HAP1: variants seen among roughly 807,000 people sequenced by gnomAD.
HAP1 encodes huntingtin associated protein 1.
HAP1 carries 59 observed loss-of-function variants against 60.3 expected under a neutral mutation model. That is an observed-to-expected ratio of 0.98 (90% CI 0.79 to 1.22). The LOEUF (loss-of-function observed/expected upper bound fraction) is 1.22. HAP1 is among the 50% of genes most tolerant of loss of function. HAP1 has a pLI of 0.00. For synonymous variants in HAP1, 346 were observed against 330.6 expected, an observed-to-expected ratio of 1.05 and a Z score of -0.50; for missense variants, 825 against 785.3, an observed-to-expected ratio of 1.05 and a Z score of -0.60.
At chr17:41,727,711 C>G in intron 8 of HAP1, 51 bp downstream of exon 8, 2 of 1,286,246 alleles carry the variant, frequency 1.6e-6, no homozygotes, top group Middle Eastern at 1.8e-4. Context: ...GGTCCCCACT[C>G]TGGGCCAGCG....
downstream of HAP1, among the ~76,000 whole-genome samples, chr17:41,719,917 T>C (rs1392902849): frequency 7.6e-6 from 1 of 132,208 alleles, no homozygotes; most frequent in African/African-American, 2.7e-5. Context: ...TGAGACAGAG[T>C]CTCACTCTGT....
chr17:41,730,341 A>C (rs1289617945), intron 6 of HAP1: 2 of 152,068 alleles, frequency 1.3e-5, no homozygotes, highest in African/African-American at 2.4e-5. Context: ...TCACAGGCTC[A>C]AGCAATCCTC....
rs1555591931 is a variant in HAP1, at chr17:41,734,212, C to G, written c.423G>C (p.Gly141=). ...TPAAYVGRRP[G]VSGPERAAFI... is the part of the protein sequence containing the mutation. ...AGGCGGCGCGCTCAGGGCCGGACAC[C>G]CCGGGTCGCCGGCCAACGTAGGCGG... Residue 141 remains glycine (G), a synonymous_variant, in exon 1 of 11, where the codon GGG becomes GGC. Coordinates refer to ENST00000347901, the MANE Select transcript of HAP1 (RefSeq NM_177977.3). 1 of 1,599,298 alleles carries G rather than the reference C, an allele frequency of 6.3e-7. No homozygotes were observed. Among genetic ancestry groups the G allele is most frequent in the Admixed American group, 1.7e-5 (1 of 59,728 alleles).
chr17:41,724,818 G>A lies in HAP1; in HGVS notation c.1743C>T (p.Asn581=), dbSNP rs951851990. The A allele has an allele frequency of 2.5e-6, 4 of 1,613,142 alleles. No homozygotes were observed. In the South Asian group the frequency reaches 3.3e-5, roughly 13 times the overall value. The change falls in exon 11 of 11, where the codon AAC becomes AAT. Residue 581 remains asparagine, a synonymous_variant. Coordinates refer to ENST00000347901, the MANE Select transcript of HAP1 (RefSeq NM_177977.3). ...DMNYVLQQLA[N]WQDAHYRRQL... is the part of the protein sequence containing the mutation. ...GCCGCCTGTAATGGGCATCTTGCCAGTTGGCCAGCTGCTGGAGGACATAAT... is the reference window on the plus strand; with the variant it reads ...GCCGCCTGTAATGGGCATCTTGCCAATTGGCCAGCTGCTGGAGGACATAAT...
intron 6 of HAP1, among the ~76,000 whole-genome samples, chr17:41,729,159 T>C (rs1251820657): frequency 3.4e-5 from 5 of 148,356 alleles, no homozygotes; most frequent in Non-Finnish European, 4.5e-5. Context: ...CAGGCTGGTC[T>C]CAAACTCCTG....
chr17:41,734,488 T>C lies in HAP1; in HGVS notation c.147A>G (p.Arg49=). 1 of 1,611,936 alleles carries C rather than the reference T, an allele frequency of 6.2e-7. No homozygotes were observed. Among genetic ancestry groups the C allele is most frequent in the African/African-American group, 1.3e-5 (1 of 75,026 alleles). Residue 49 remains arginine, a synonymous_variant, in exon 1 of 11, where the codon AGA becomes AGG. Transcript: ENST00000347901. ...ATCCAGAGGTGGCTCGGGATCCTAC[T>C]CTCTGTCCAGTGCCCCGTGCCTGCG... ...AQPQARGTGQ[R]VGSRATSGSQ...
Position 41,731,972 on chromosome 17 carries a change from G to T in HAP1, c.861C>A (p.Asp287Glu). 9.1e-7 allele frequency: 1 copy of T among 1,099,788 alleles called. No individual in the cohort carries two copies. The highest frequency in any genetic ancestry group is 1.4e-6 in the Non-Finnish European group (1 of 726,496). 68.1% of individuals were successfully genotyped at this position (1,099,788 alleles called of 1,614,324 possible). ...CATCACAGGGATGAGCACACTGCAG[G>T]TCTTCCTCTGCTTCTTCTTCTTCCT... ...EEQEEEEAEE[D>E]LQCAHPCDAP... The change falls in exon 4 of 11, where the codon GAC becomes GAA. Residue 287 changes from aspartate to glutamate, a missense_variant. By Grantham distance (45) the Asp-to-Glu change is conservative. Coordinates refer to ENST00000347901, the MANE Select transcript of HAP1 (RefSeq NM_177977.3).
intron 1 of HAP1, among the ~76,000 whole-genome samples, chr17:41,733,758 G>C (rs112350811): frequency 6.6e-6 from 1 of 151,542 alleles, no homozygotes; most frequent in African/African-American, 2.4e-5. Flanking sequence ...TTCCCCCTCC[G>C]CCCGCCCACC....
rs781837236 is a variant in HAP1, at chr17:41,734,616, C to A, written c.19G>T (p.Gly7Cys). MRPKRLGRCCAGSRLGP... is the reference protein window; with the variant it reads MRPKRLCRCCAGSRLGP... ...AGCCGGCTCCCCGCGCAGCACCGGC[C>A]CAACCTCTTCGGGCGCATCTCGAGT... is the stretch of plus-strand genomic sequence containing the variant. Residue 7 changes from glycine (G) to cysteine (C), a missense_variant, in exon 1 of 11, where the codon GGC becomes TGC. Physicochemically the swap from Gly to Cys is radical, Grantham distance 159. Transcript: ENST00000347901. 1.4e-5 allele frequency: 21 copies of A among 1,547,604 alleles called. No individual in the cohort carries two copies. The Admixed American group carries it at 1.5e-4, about 11-fold the overall frequency.
At chr17:41,727,951 G>A in intron 7 of HAP1, 115 bp from the exon 8 acceptor site, 2 of 740,112 alleles carry the variant, frequency 2.7e-6, no homozygotes, top group Non-Finnish European at 4.6e-6. Flanking sequence ...CCCATGAAAT[G>A]ACAAGTCACA....
chr17:41,721,264 C>T (rs1419276578), downstream of HAP1: 1 of 152,448 alleles, frequency 6.6e-6, no homozygotes, highest in African/African-American at 2.4e-5. Flanking sequence ...CTGGAGCAAA[C>T]CAGAGAATTT....
At chr17:41,727,238 A>C in intron 8 of HAP1, 94 bp from the exon 9 acceptor site, 1 of 809,396 alleles carries the variant, frequency 1.2e-6, no homozygotes, top group South Asian at 1.3e-5. Flanking sequence ...TCAATCAGCC[A>C]CCAAGGCTGA....
rs1248047521 is a variant in HAP1 at position 41,724,985 on chromosome 17, C to A, written c.1576G>T (p.Val526Leu). Residue 526 changes from valine (V) to leucine (L), a missense_variant, in exon 11 of 11, where the codon GTG becomes TTG. Val to Leu is a conservative substitution (Grantham distance 32, BLOSUM62 1). Transcript: ENST00000347901. ...GACACCAGCTCTGCCTCTTCCATCA[C>A]CCCTTCCTCAGCCGGCACCTTCTTG... Reference protein sequence around the residue: ...AAKKVPAEEGVMEEAELVSEE... With the variant: ...AAKKVPAEEGLMEEAELVSEE... 4 of 1,612,792 alleles carry A rather than the reference C, an allele frequency of 2.5e-6. No individual in the cohort carries two copies. Among genetic ancestry groups the A allele is most frequent in the Non-Finnish European group, 2.5e-6 (3 of 1,179,972 alleles).
At position 41,731,753 on chromosome 17, in the gene HAP1, G is replaced by A; in HGVS notation, c.897-10C>T. 2 of 1,589,590 alleles carry A rather than the reference G, an allele frequency of 1.3e-6. No individual in the cohort carries two copies. The highest frequency in any genetic ancestry group is 1.7e-6 in the Non-Finnish European group (2 of 1,158,262). ...TGCCTCCTGCGAAATCCTAGGGGAG[G>A]GAGGAATGGGAGTCAGGGTGCAGGG... On this transcript the variant is annotated splice_polypyrimidine_tract_variant and intron_variant, in intron 4 of 10. Transcript: ENST00000347901.
chr17:41,729,213 T>C (rs1911926465), intron 6 of HAP1, among the ~76,000 whole-genome samples: 1 of 149,802 alleles, frequency 6.7e-6, no homozygotes, highest in Non-Finnish European at 1.5e-5. Context: ...AGTGCTGGGA[T>C]TACAGGGGTG....
intron 6 of HAP1, among the ~76,000 whole-genome samples, chr17:41,730,696 T>C (rs1371415089): frequency 6.6e-6 from 1 of 152,134 alleles, no homozygotes; most frequent in Non-Finnish European, 1.5e-5. Flanking sequence ...TGTTGCCACT[T>C]TGCGTTTGCA....
chr17:41,727,762 C>T lies in HAP1; in HGVS notation c.1275G>A (p.Glu425=). Residue 425 remains glutamate (E), a splice_region_variant and synonymous_variant, in exon 8 of 11, where the codon GAG becomes GAA. Transcript: ENST00000347901. ...GGCAGAAGCCGGCAGCGAGACTCAC[C>T]TCTTCCTGGAGCTGCATCTGGATTT... is the stretch of plus-strand genomic sequence containing the variant. The part of the protein sequence containing the change: ...EKEIQMQLQE[E]ETLPGFQETL... 1 of 1,606,422 alleles carries T rather than the reference C, an allele frequency of 6.2e-7. No individual in the cohort carries two copies. Among genetic ancestry groups the T allele is most frequent in the South Asian group, 1.1e-5 (1 of 90,924 alleles).
chr17:41,728,324 G>T lies in HAP1; in HGVS notation c.1077C>A (p.Ala359=), dbSNP rs180691304. 1 of 1,613,332 alleles carries T rather than the reference G, an allele frequency of 6.2e-7. No individual in the cohort carries two copies. The highest frequency in any genetic ancestry group is 8.5e-7 in the Non-Finnish European group (1 of 1,179,962). Residue 359 remains alanine, a synonymous_variant, in exon 7 of 11, where the codon GCC becomes GCA. Transcript: ENST00000347901. ...CCGACAGCTCAGCCATCTGTTGGCTGGCCTCCGCTGGGGAGGGCAGAGGAC... is the reference window on the plus strand; with the variant it reads ...CCGACAGCTCAGCCATCTGTTGGCTTGCCTCCGCTGGGGAGGGCAGAGGAC... The part of the protein sequence containing the change: ...ILECVEQFSE[A]SQQMAELSEV...
At chr17:41,732,964 C>G (rs1912345045) in intron 1 of HAP1, among the ~76,000 whole-genome samples, 166 bp from the exon 2 acceptor site, 1 of 151,802 alleles carries the variant, frequency 6.6e-6, no homozygotes, top group Admixed American at 6.6e-5. Flanking sequence ...CCCCTTACCC[C>G]TCGGCACTCA....
Sources: allele counts gnomAD v4.1 joint callset (sites outside exome capture counted in the v4.1 genomes callset), GRCh38; gene constraint gnomAD v4.1.1; transcripts MANE v1.5; gene names NCBI Gene and HGNC (gene_info 2026-07-23, HGNC 2026-07-21).